Variants in DPH6 observed in about 807,000 individuals in gnomAD.
The protein encoded by DPH6 is diphthamine biosynthesis 6.
A neutral mutation model predicts 38.2 loss-of-function variants in DPH6; 33 were observed. The observed-to-expected ratio is 0.86, with a 90% CI of 0.65 to 1.15. The LOEUF is 1.15. Among genes scored for constraint, DPH6 ranks in the 50% most tolerant of loss-of-function variants. The pLI is 0.00. For missense variants in DPH6, 325 were observed against 320.0 expected, an observed-to-expected ratio of 1.02 and a Z score of -0.12; for synonymous variants, 108 against 103.0, an observed-to-expected ratio of 1.05 and a Z score of -0.30.
chr15:35,164,898 GTGT>G, the DPH6 span, among the ~76,000 whole-genome samples: 92 of 151,956 alleles, frequency 6.1e-4, no homozygotes, highest in African/African-American at 2.1e-3. Context: ...GCCACTATAG[GTGT>G]TTGCTAGTTA....
chr15:35,543,262 AT>A (rs2055291548), intron 1 of DPH6, among the ~76,000 whole-genome samples: 2 of 8,460 alleles, frequency 2.4e-4, no homozygotes, highest in Non-Finnish European at 9.5e-4. Flanking sequence ...TACACATAAT[AT>A]ATATATATAT....
the DPH6 span, among the ~76,000 whole-genome samples, chr15:35,199,039 C>T: frequency 6.6e-6 from 1 of 152,004 alleles, no homozygotes; most frequent in Non-Finnish European, 1.5e-5. Flanking sequence ...CCTGCCTTAG[C>T]CTCCCGAGTA....
chr15:35,444,081 T>A (rs1397322006), intron 5 of DPH6, among the ~76,000 whole-genome samples: 1 of 152,152 alleles, frequency 6.6e-6, no homozygotes, highest in Non-Finnish European at 1.5e-5. Flanking sequence ...GCACATGAGG[T>A]CAACTAGAAT....
At chr15:35,337,024 C>T (rs1490301975) in intron 3 of DPH6, among the ~76,000 whole-genome samples, 2 of 152,062 alleles carry the variant, frequency 1.3e-5, no homozygotes, top group African/African-American at 2.4e-5. Context: ...AGGAATGGTA[C>T]CAGTTCCTCC....
intron 3 of DPH6, among the ~76,000 whole-genome samples, chr15:35,501,037 G>A (rs773119060): frequency 2.0e-5 from 3 of 152,114 alleles, no homozygotes; most frequent in African/African-American, 7.2e-5. Flanking sequence ...CACCGTGCCC[G>A]GCCAATAATT....
chr15:35,328,055 C>G (rs953534099), downstream of DPH6, among the ~76,000 whole-genome samples: 1 of 152,156 alleles, frequency 6.6e-6, no homozygotes, highest in African/African-American at 2.4e-5. Context: ...CTCATCTTCA[C>G]TGCAACATGA....
chr15:35,301,869 G>A (rs896411632), intron 3 of DPH6, among the ~76,000 whole-genome samples: 1 of 152,136 alleles, frequency 6.6e-6, no homozygotes, highest in African/African-American at 2.4e-5. Flanking sequence ...AGCCACTTGG[G>A]AGGCTGAGGC....
rs1325999960 is a variant in DPH6 at position 35,441,755 on chromosome 15, C to T, written c.505+8930G>A. On this transcript the variant is annotated intron_variant, in intron 5 of 8. Coordinates refer to ENST00000256538, the MANE Select transcript of DPH6 (RefSeq NM_080650.4). ...AGCAAACCACCATGGTACATGTATACCTATTTAATAAACCTGCATGTTCTG... is the reference window on the plus strand; with the variant it reads ...AGCAAACCACCATGGTACATGTATATCTATTTAATAAACCTGCATGTTCTG... Among the ~76,000 whole-genome samples the T allele has an allele frequency of 2.0e-5, 3 of 151,658 alleles. No homozygotes were observed. In the East Asian group the frequency reaches 5.8e-4, roughly 30 times the overall value.
intron 3 of DPH6, among the ~76,000 whole-genome samples, chr15:35,524,617 A>G (rs2054971524): frequency 1.3e-5 from 2 of 152,190 alleles, no homozygotes; most frequent in Non-Finnish European, 2.9e-5. Context: ...GTAACCTTGG[A>G]TGAGTTACTT....
intron 6 of DPH6, 48 bp from the exon 7 acceptor site, chr15:35,381,964 C>G: frequency 1.4e-6 from 2 of 1,385,160 alleles, no homozygotes; most frequent in Non-Finnish European, 1.0e-6. Context: ...TAAAATTAGA[C>G]AGCATAAATG....
downstream of DPH6, among the ~76,000 whole-genome samples, chr15:35,328,319 C>T (rs540261309): frequency 2.6e-4 from 39 of 152,174 alleles, no homozygotes; most frequent in African/African-American, 9.4e-4. Context: ...ACCTGGAATG[C>T]AAAAATCTGA....
At chr15:35,489,375 T>A in intron 3 of DPH6, 4 of 985,368 alleles carry the variant, frequency 4.1e-6, no homozygotes, top group Non-Finnish European at 4.8e-6. Flanking sequence ...TTCATTAAAT[T>A]TTTTTCTGTC....
At chr15:35,152,343 C>T in the DPH6 span, among the ~76,000 whole-genome samples, 2 of 152,030 alleles carry the variant, frequency 1.3e-5, no homozygotes, top group Non-Finnish European at 1.5e-5. Context: ...GTGTCATCCT[C>T]TTGAAGAGTC....
In DPH6 at chr15:35,542,453, C is replaced by T. The variant is rs770879143; in HGVS notation, c.78G>A (p.Gln26=). The change falls in exon 2 of 9, where the codon CAG becomes CAA. Residue 26 remains glutamine (Q), a synonymous_variant. Coordinates refer to ENST00000256538, the MANE Select transcript of DPH6 (RefSeq NM_080650.4). ...GTCTTAGATTTGCTAAAGCAACGAT[C>T]TGATGCCCAGCAGCAATGCACTGCA... is the stretch of plus-strand genomic sequence containing the variant. ...NMMQCIAAGH[Q]IVALANLRPA... 6.3e-7 allele frequency: 1 copy of T among 1,580,082 alleles called. No homozygotes were observed. The highest frequency in any genetic ancestry group is 1.1e-5 in the South Asian group (1 of 88,254).
At chr15:35,256,249 C>T (rs2589542) in intron 3 of DPH6, among the ~76,000 whole-genome samples, 87,037 of 151,988 alleles carry the variant, frequency 0.57, 27,521 homozygotes, top group Non-Finnish European at 0.73. Flanking sequence ...TTCTGTTGCA[C>T]GATCCTGGCC....
chr15:35,489,648 A>G, intron 3 of DPH6: 1 of 980,322 alleles, frequency 1.0e-6, no homozygotes, highest in Non-Finnish European at 1.2e-6. Context: ...AAGTAAAAAA[A>G]TACCCTAAGG....
At chr15:35,527,772 G>A (rs114766606) in intron 3 of DPH6, among the ~76,000 whole-genome samples, 2,004 of 152,262 alleles carry the variant, frequency 0.013, 43 homozygotes, top group African/African-American at 0.036. Context: ...CTTACATGTA[G>A]GAGAATCTGA....
chr15:35,215,144 T>C (rs541825727), downstream of DPH6, among the ~76,000 whole-genome samples: 16 of 152,338 alleles, frequency 1.1e-4, no homozygotes, highest in East Asian at 1.2e-3. Flanking sequence ...AGAGGAACAG[T>C]TGACTTACCT....
chr15:35,485,323 T>C (rs1293673826), intron 3 of DPH6, among the ~76,000 whole-genome samples: 1 of 152,208 alleles, frequency 6.6e-6, no homozygotes, highest in Admixed American at 6.5e-5. Context: ...TTGCCATGTG[T>C]TGTTTTATTA....
Sources: allele counts gnomAD v4.1 joint callset (sites outside exome capture counted in the v4.1 genomes callset), GRCh38; gene constraint gnomAD v4.1.1; transcripts MANE v1.5; gene names NCBI Gene and HGNC (gene_info 2026-07-23, HGNC 2026-07-21).